Variants in LRRTM4 observed in about 807,000 individuals in gnomAD.
The protein encoded by LRRTM4 is leucine rich repeat transmembrane neuronal 4.
LRRTM4 carries 25 observed loss-of-function variants against 47.6 expected under a neutral mutation model. The observed-to-expected ratio is 0.53, with a 90% CI of 0.38 to 0.73. LRRTM4 has a LOEUF of 0.73. LRRTM4 is among the 30% of genes least tolerant of loss of function. The pLI, the probability that LRRTM4 is intolerant of heterozygous loss-of-function variation, is 0.00. For synonymous variants in LRRTM4, 311 were observed against 269.5 expected (o/e 1.15, Z -1.51); for missense variants, 638 against 713.4 (o/e 0.89, Z 1.20).
chr2:76,874,479 G>C (rs1672724162), intron 3 of LRRTM4, among the ~76,000 whole-genome samples: 1 of 151,942 alleles, frequency 6.6e-6, no homozygotes, highest in Admixed American at 6.6e-5. Context: ...TAACTGGGGT[G>C]AATGAGTGGT....
At chr2:76,849,503 A>G (rs1326632983) in intron 3 of LRRTM4, among the ~76,000 whole-genome samples, 3 of 152,104 alleles carry the variant, frequency 2.0e-5, no homozygotes, top group Non-Finnish European at 2.9e-5. Context: ...AATAAATTTT[A>G]TATATTAAAT....
At chr2:77,506,216 A>G (rs1010894571) in intron 3 of LRRTM4, among the ~76,000 whole-genome samples, 1 of 151,666 alleles carries the variant, frequency 6.6e-6, no homozygotes, top group African/African-American at 2.4e-5. Context: ...ATATCCGGAG[A>G]GAATTATAAT....
At chr2:77,041,601 T>C (rs906569751) in intron 3 of LRRTM4, among the ~76,000 whole-genome samples, 1 of 151,452 alleles carries the variant, frequency 6.6e-6, no homozygotes, top group African/African-American at 2.4e-5. Flanking sequence ...TTAGCCATTC[T>C]AGCTAGAGTG....
At chr2:76,998,769 G>GTTT (rs544805115) in intron 3 of LRRTM4, among the ~76,000 whole-genome samples, 6 of 138,766 alleles carry the variant, frequency 4.3e-5, no homozygotes, top group African/African-American at 1.3e-4. Flanking sequence ...TATATTTTCT[G>GTTT]TTTTTTTTTT....
intron 3 of LRRTM4, among the ~76,000 whole-genome samples, chr2:76,985,709 A>G (rs1676770442): frequency 6.6e-6 from 1 of 151,994 alleles, no homozygotes; most frequent in African/African-American, 2.4e-5. Context: ...GATAAAATCT[A>G]ATGCTTTAAA....
chr2:77,520,539 C>G (rs1340271384), intron 2 of LRRTM4, among the ~76,000 whole-genome samples: 1 of 151,988 alleles, frequency 6.6e-6, no homozygotes, highest in South Asian at 2.1e-4. Context: ...GGCTCCCTGC[C>G]CAACGATACA....
intron 3 of LRRTM4, among the ~76,000 whole-genome samples, chr2:76,979,541 G>GTGTATATATATATATATATATATATATA (rs1553439564): frequency 1.2e-4 from 15 of 126,956 alleles, no homozygotes; most frequent in African/African-American, 4.8e-4. Context: ...CTGAATTTCT[G>GTGTATATATATATATATATATATATATA]TATATATATA....
chr2:77,123,268 T>C (rs1191653991), intron 3 of LRRTM4, among the ~76,000 whole-genome samples: 1 of 149,992 alleles, frequency 6.7e-6, no homozygotes, highest in Non-Finnish European at 1.5e-5. Context: ...ATTCAGTCTT[T>C]TAACTTGAGT....
intron 3 of LRRTM4, among the ~76,000 whole-genome samples, chr2:76,916,384 CAAAAAAAAAAA>C (rs57874749): frequency 7.5e-5 from 4 of 53,500 alleles, no homozygotes; most frequent in South Asian, 5.9e-4. Context: ...GACTGTGTCT[CAAAAAAAAAAA>C]AAAAAAAAAA....
intron 3 of LRRTM4, among the ~76,000 whole-genome samples, chr2:76,777,314 A>T (rs1156339976): frequency 4.2e-5 from 6 of 143,150 alleles, no homozygotes; most frequent in Non-Finnish European, 9.2e-5. Context: ...TGGTAGCTTG[A>T]TGGGGATGGC....
chr2:76,937,966 T>C (rs1409021503), intron 3 of LRRTM4, among the ~76,000 whole-genome samples: 2 of 152,192 alleles, frequency 1.3e-5, no homozygotes, highest in Non-Finnish European at 2.9e-5. Flanking sequence ...CTAAGGGGAA[T>C]ATAATTTTGT....
At chr2:76,814,213 G>GA (rs1670830972) in intron 3 of LRRTM4, among the ~76,000 whole-genome samples, 1 of 151,754 alleles carries the variant, frequency 6.6e-6, no homozygotes, top group Non-Finnish European at 1.5e-5. Flanking sequence ...TTTTAAATTT[G>GA]AAAAATAGAA....
intron 3 of LRRTM4, among the ~76,000 whole-genome samples, chr2:77,199,279 G>A (rs1004326450): frequency 6.6e-6 from 1 of 151,920 alleles, no homozygotes; most frequent in African/African-American, 2.4e-5. Context: ...AACTTACTTG[G>A]CCCAAACCAC....
intron 3 of LRRTM4, among the ~76,000 whole-genome samples, chr2:77,183,723 C>T (rs1247206850): frequency 6.6e-6 from 1 of 150,874 alleles, no homozygotes; most frequent in Non-Finnish European, 1.5e-5. Context: ...AAATGTGGCA[C>T]ATCTACACCA....
chr2:76,822,625 T>C (rs1002649702), intron 3 of LRRTM4, among the ~76,000 whole-genome samples: 1 of 151,408 alleles, frequency 6.6e-6, no homozygotes, highest in African/African-American at 2.4e-5. Flanking sequence ...AAAAATAAAA[T>C]ACGCTAACCA....
chr2:76,752,487 G>GT (rs1672886245), intron 3 of LRRTM4, among the ~76,000 whole-genome samples: 1 of 152,100 alleles, frequency 6.6e-6, no homozygotes, highest in Non-Finnish European at 1.5e-5. Context: ...TTTCTCTATT[G>GT]TAATTGAGGC....
chr2:76,807,421 T>TACACAC lies in LRRTM4; in HGVS notation c.1552-58506_1552-58505insGTGTGT, dbSNP rs1558667326. On this transcript the variant is annotated intron_variant, in intron 3 of 3. Transcript: ENST00000409884. ...ATATGTATATACGTATATATATATA[T>TACACAC]ATACATATATATATACGTATATACA... Among the ~76,000 whole-genome samples the TACACAC allele has an allele frequency of 1.7e-4, 12 of 70,182 alleles. No homozygotes were observed. In the South Asian group the frequency reaches 6.0e-3, roughly 35 times the overall value. The allele number at this position is 70,182 out of a possible 152,430, so 46.0% of individuals were successfully genotyped here.
rs562520291 is a variant in LRRTM4 at position 77,224,254 on chromosome 2, A to G, written c.1551+294064T>C. Among the ~76,000 whole-genome samples the G allele has an allele frequency of 1.4e-3, 214 of 152,084 alleles. 10 individuals carry two copies. In the South Asian group the frequency reaches 0.043, roughly 30 times the overall value. ...ACATGTTAGACCTAAAACCATAAAA[A>G]CCCTAGAAGAAAACCTAGGCAATAC... On this transcript the variant is annotated intron_variant, in intron 3 of 3. Transcript: ENST00000409884.
At chr2:77,333,537 G>A (rs1671046460) in intron 3 of LRRTM4, among the ~76,000 whole-genome samples, 1 of 152,176 alleles carries the variant, frequency 6.6e-6, no homozygotes, top group South Asian at 2.1e-4. Flanking sequence ...TAGGGTGCAA[G>A]CCCCAAGCCT....
Sources: gnomAD v4.1 joint callset for allele counts (sites outside exome capture counted in the v4.1 genomes callset) on GRCh38, gnomAD v4.1.1 for gene constraint, MANE v1.5 for transcripts, NCBI Gene and HGNC (gene_info 2026-07-23, HGNC 2026-07-21) for gene names.